Variants in ACSM3 observed in about 807,000 individuals in gnomAD.
The protein encoded by ACSM3 is acyl-CoA synthetase medium chain family member 3.
Under a neutral mutation model 74.1 loss-of-function variants are expected in ACSM3, and 61 were observed. The ratio of observed to expected loss-of-function variants is 0.82; its 90% CI spans 0.67 to 1.02. The LOEUF (loss-of-function observed/expected upper bound fraction) is 1.02, where lower values mean the gene tolerates loss of function less well. Among genes scored for constraint, ACSM3 ranks in the 50% least tolerant of loss-of-function variants. The probability of loss-of-function intolerance (pLI) is 0.00; values close to 1 mark genes in which losing one functional copy is unlikely to be tolerated. For synonymous variants in ACSM3, 213 were observed against 241.5 expected (o/e 0.88, Z 1.09); for missense variants, 660 against 697.0 (o/e 0.95, Z 0.60).
At chr16:20,781,604 A>G in intron 6 of ACSM3, 104 bp from the exon 7 acceptor site, 1 of 884,548 alleles carries the variant, frequency 1.1e-6, no homozygotes. Context: ...GAATGTATTT[A>G]CATTAACATA....
intron 1 of ACSM3, among the ~76,000 whole-genome samples, chr16:20,717,978 G>GAAGAAGAAGAAGAAA (rs1287458667): frequency 2.4e-5 from 3 of 123,310 alleles, no homozygotes; most frequent in African/African-American, 9.3e-5. Flanking sequence ...AGAAGAAGAA[G>GAAGAAGAAGAAGAAA]AAGAAGAAGA....
chr16:20,776,744 TA>T (rs2080260620), intron 3 of ACSM3, among the ~76,000 whole-genome samples: 1 of 152,234 alleles, frequency 6.6e-6, no homozygotes, highest in Non-Finnish European at 1.5e-5. Context: ...GTCCCAGCTA[TA>T]AGAGTGTCTG....
intron 1 of ACSM3, among the ~76,000 whole-genome samples, chr16:20,709,805 C>G (rs1452071089): frequency 6.6e-6 from 1 of 152,198 alleles, no homozygotes; most frequent in Non-Finnish European, 1.5e-5. Flanking sequence ...CTTCAGGGAA[C>G]TCACCAGGAA....
intron 1 of ACSM3, among the ~76,000 whole-genome samples, chr16:20,678,539 T>C (rs1407861963): frequency 6.6e-6 from 1 of 152,158 alleles, no homozygotes; most frequent in African/African-American, 2.4e-5. Flanking sequence ...GGTGTTCACC[T>C]TTTCAGGATA....
intron 1 of ACSM3, among the ~76,000 whole-genome samples, chr16:20,745,318 G>A (rs1451410992): frequency 6.6e-6 from 1 of 152,118 alleles, no homozygotes; most frequent in East Asian, 1.9e-4. Flanking sequence ...AGGCACGGTG[G>A]CTCACGCTTG....
In ACSM3 at chr16:20,790,671, C is replaced by T; in HGVS notation, c.1309C>T (p.Leu437Phe). The T allele has an allele frequency of 6.2e-7, 1 of 1,614,056 alleles. No individual in the cohort carries two copies. The highest frequency in any genetic ancestry group is 8.5e-7 in the Non-Finnish European group (1 of 1,179,990). Reference protein sequence around the residue: ...IQVLPNRPFGLFTHYVDNPSK... With the variant: ...IQVLPNRPFGFFTHYVDNPSK... ...AGTTCTACCCAACCGACCATTTGGC[C>T]TTTTTACTCATTACGTAGTAAGTGA... Residue 437 changes from leucine to phenylalanine, a missense_variant, in exon 10 of 14, where the codon CTT (leucine) becomes TTT (phenylalanine). Leu to Phe is a conservative substitution (Grantham distance 22). Coordinates refer to ENST00000289416, the MANE Select transcript of ACSM3 (RefSeq NM_005622.4). This position sits in a 1 kb window ranked among gnomAD's most constrained non-coding sequence, Gnocchi z 4.0.
chr16:20,741,961 T>C, intron 1 of ACSM3: 2 of 1,529,982 alleles, frequency 1.3e-6, no homozygotes, highest in South Asian at 2.4e-5. Flanking sequence ...GCCTCCCGAC[T>C]GCAACCTGAA....
chr16:20,683,739 T>TTCTC (rs1442380115), intron 1 of ACSM3, among the ~76,000 whole-genome samples: 11 of 151,350 alleles, frequency 7.3e-5, no homozygotes, highest in African/African-American at 2.7e-4. Flanking sequence ...CTTTCTTTCT[T>TTCTC]TTTGTATTTT....
At position 20,697,339 on chromosome 16, in the gene ACSM3, C is replaced by G. The variant is rs116543981; in HGVS notation, c.-190+22517C>G. Among the ~76,000 whole-genome samples, 1,286 of 152,220 alleles carry G rather than the reference C, an allele frequency of 8.4e-3. 17 individuals are homozygous for G. Among genetic ancestry groups the G allele is most frequent in the African/African-American group, 0.028 (1,169 of 41,516 alleles). ...TTCATCTCTGACTTTGTGCCTGTCTCCCACGGCTCACCACATTCAGAGCTG... is the reference window on the plus strand; with the variant it reads ...TTCATCTCTGACTTTGTGCCTGTCTGCCACGGCTCACCACATTCAGAGCTG... On this transcript the variant is annotated intron_variant, in intron 1 of 3. Coordinates refer to the ACSM3 transcript ENST00000561584.
At chr16:20,789,600 C>T (rs756536041) in intron 9 of ACSM3, 1 of 1,385,856 alleles carries the variant, frequency 7.2e-7, no homozygotes, top group Non-Finnish European at 1.0e-6. Context: ...ATTTATTTAT[C>T]AAGAGGAAAA....
In ACSM3 at chr16:20,780,994, C is replaced by G. The variant is rs370138574; in HGVS notation, c.803C>G (p.Pro268Arg). The G allele has an allele frequency of 1.8e-5, 29 of 1,613,916 alleles. No homozygotes were observed. In the East Asian group the frequency reaches 6.0e-4, roughly 33 times the overall value. ...VNGRFWLDLT[P>R]SDVMWNTSDT... ...CCCAGGTTCTGGCTAGATTTGACAC[C>G]CTCAGATGTGATGTGGAATACCTCA... is the stretch of plus-strand genomic sequence containing the variant. The change falls in exon 6 of 14, where the codon CCC (proline) becomes CGC (arginine). Residue 268 changes from proline to arginine, a missense_variant. Coordinates refer to ENST00000289416, the MANE Select transcript of ACSM3 (RefSeq NM_005622.4).
chr16:20,743,237 C>G (rs948477728), intron 1 of ACSM3, among the ~76,000 whole-genome samples: 1 of 152,096 alleles, frequency 6.6e-6, no homozygotes, highest in Non-Finnish European at 1.5e-5. Context: ...CGCGCCTGGC[C>G]GTATTTTGTC....
intron 1 of ACSM3, among the ~76,000 whole-genome samples, chr16:20,718,020 GAAGAAGAAAAGA>G (rs2079771533): frequency 1.4e-5 from 2 of 147,138 alleles, no homozygotes; most frequent in African/African-American, 5.2e-5. Flanking sequence ...AGAAGAAGAA[GAAGAAGAAAAGA>G]AAGAAGAAGA....
chr16:20,784,852 T>G, intron 7 of ACSM3, 132 bp from the exon 8 acceptor site: 1 of 896,628 alleles, frequency 1.1e-6, no homozygotes. Flanking sequence ...GTAAAATGGT[T>G]TGTTTTGTGC....
At chr16:20,733,508 T>C (rs1418523060) in intron 1 of ACSM3, among the ~76,000 whole-genome samples, 1 of 152,108 alleles carries the variant, frequency 6.6e-6, no homozygotes, top group Non-Finnish European at 1.5e-5. Flanking sequence ...TTTAGAAGTA[T>C]TAATTATTCA....
intron 1 of ACSM3, among the ~76,000 whole-genome samples, chr16:20,740,303 G>A (rs1395900079): frequency 2.6e-5 from 4 of 152,206 alleles, no homozygotes; most frequent in African/African-American, 7.2e-5. Context: ...ACTGAGGCAG[G>A]AGGACTGCTT....
chr16:20,700,598 A>T (rs2079710489), intron 1 of ACSM3, among the ~76,000 whole-genome samples: 2 of 149,424 alleles, frequency 1.3e-5, no homozygotes, highest in Non-Finnish European at 1.5e-5. Flanking sequence ...GAGAAGTATG[A>T]TAAAGTGTGA....
intron 1 of ACSM3, among the ~76,000 whole-genome samples, chr16:20,701,069 GATGA>G (rs1258681100): frequency 6.6e-6 from 1 of 152,112 alleles, no homozygotes; most frequent in African/African-American, 2.4e-5. Context: ...AAGAATCAAG[GATGA>G]ATCTCAGCCT....
Position 20,715,922 on chromosome 16 carries a change from G to A in ACSM3, c.-189-33988G>A, listed in dbSNP as rs892053864. Among the ~76,000 whole-genome samples, 6 of 152,298 alleles carry A rather than the reference G, an allele frequency of 3.9e-5. No homozygotes were observed. The East Asian group carries it at 7.7e-4, about 20-fold the overall frequency. On this transcript the variant is annotated intron_variant, in intron 1 of 3. Coordinates refer to the ACSM3 transcript ENST00000561584. Reference sequence around the variant, plus strand: ...CTCCACATCAGCCTGACTGGGGCTCGAGTATCCAAGGCAGGTTCACCCTCA... The same window carrying A: ...CTCCACATCAGCCTGACTGGGGCTCAAGTATCCAAGGCAGGTTCACCCTCA...
Sources: gnomAD v4.1 joint callset for allele counts (sites outside exome capture counted in the v4.1 genomes callset) on GRCh38, gnomAD v4.1.1 for gene constraint, Gnocchi (gnomAD v3.1) non-coding constraint, MANE v1.5 for transcripts, NCBI Gene and HGNC (gene_info 2026-07-23, HGNC 2026-07-21) for gene names.